PCDHA4: variants seen among roughly 807,000 people sequenced by gnomAD.
The protein encoded by PCDHA4 is protocadherin alpha 4, also known as protocadherin alpha-4.
Under a neutral mutation model 61.4 loss-of-function variants are expected in PCDHA4, and 49 were observed. The observed-to-expected ratio is 0.80, with a 90% CI of 0.63 to 1.01. The LOEUF (loss-of-function observed/expected upper bound fraction) is 1.01. Ranked by LOEUF, PCDHA4 falls within the 50% of genes least tolerant of loss-of-function variation. The pLI is 0.00. For missense variants in PCDHA4, 1,254 were observed against 1,235.8 expected, an observed-to-expected ratio of 1.01 and a Z score of -0.22; for synonymous variants, 590 against 550.3, an observed-to-expected ratio of 1.07 and a Z score of -1.01.
At chr5:140,857,761 C>T in intron 1 of PCDHA4, 1 of 1,597,214 alleles carries the variant, frequency 6.3e-7, no homozygotes. Flanking sequence ...CCGCTGGCAG[C>T]GCGGGCGGTG....
chr5:140,970,595 G>C (rs1554232604), intron 1 of PCDHA4, among the ~76,000 whole-genome samples: 1 of 152,098 alleles, frequency 6.6e-6, no homozygotes, highest in African/African-American at 2.4e-5. Context: ...TATGCTTTGT[G>C]ATACTTAAAA....
At chr5:140,828,051 CG>C in intron 1 of PCDHA4, 1 of 1,545,276 alleles carries the variant, frequency 6.5e-7, no homozygotes, top group East Asian at 2.3e-5. Flanking sequence ...TATCTTTATG[CG>C]GAAGATCTTC....
chr5:140,824,171 C>A, intron 1 of PCDHA4: 1 of 1,610,416 alleles, frequency 6.2e-7, no homozygotes, highest in Non-Finnish European at 8.5e-7. Flanking sequence ...TCCCAATTTT[C>A]AAATATTAAA....
intron 1 of PCDHA4, chr5:140,882,363 A>G: frequency 1.2e-6 from 2 of 1,614,208 alleles, no homozygotes; most frequent in South Asian, 1.1e-5. Context: ...GGCCAGCTCC[A>G]CTACTCCGTC....
At chr5:140,971,419 G>A (rs1554233321) in intron 1 of PCDHA4, among the ~76,000 whole-genome samples, 1 of 152,140 alleles carries the variant, frequency 6.6e-6, no homozygotes. Context: ...TGGAAATCCA[G>A]TGAAGAACCC....
intron 1 of PCDHA4, chr5:140,843,736 A>G: frequency 6.5e-7 from 1 of 1,547,470 alleles, no homozygotes; most frequent in African/African-American, 1.4e-5. Context: ...TTAAATTTAG[A>G]ACTCATAAAT....
intron 1 of PCDHA4, chr5:140,851,169 T>C: frequency 1.6e-6 from 2 of 1,280,288 alleles, no homozygotes; most frequent in Non-Finnish European, 2.0e-6. Flanking sequence ...TATGCTGCCA[T>C]AACACTTGAA....
chr5:140,829,465 C>T, intron 1 of PCDHA4: 1 of 1,613,822 alleles, frequency 6.2e-7, no homozygotes, highest in Non-Finnish European at 8.5e-7. Flanking sequence ...TCGCGCAGCC[C>T]GAGTACACAG....
intron 1 of PCDHA4, chr5:140,841,679 G>C: frequency 6.2e-7 from 1 of 1,613,984 alleles, no homozygotes. Context: ...TTTCCATGTG[G>C]ACGTGGAGGT....
intron 1 of PCDHA4, chr5:140,967,346 G>C (rs1332345482): frequency 6.2e-7 from 1 of 1,607,970 alleles, no homozygotes; most frequent in Non-Finnish European, 8.5e-7. Context: ...CGAGCACTTC[G>C]AGCTGGACCT....
At chr5:140,836,023 G>A in intron 1 of PCDHA4, 7 of 1,613,414 alleles carry the variant, frequency 4.3e-6, no homozygotes, top group Non-Finnish European at 5.9e-6. Flanking sequence ...CCTCTGGGCA[G>A]CAACGTGACG....
intron 1 of PCDHA4, chr5:140,816,386 T>C (rs1379079395): frequency 6.6e-6 from 1 of 152,250 alleles, no homozygotes; most frequent in African/African-American, 2.4e-5. Context: ...GCTGAAATTC[T>C]GATTCTGCTT....
chr5:140,919,867 G>A (rs2079334985), intron 1 of PCDHA4, among the ~76,000 whole-genome samples: 1 of 152,178 alleles, frequency 6.6e-6, no homozygotes, highest in Non-Finnish European at 1.5e-5. Context: ...TTGGAAATAA[G>A]TCTTTGAAGA....
At chr5:140,911,339 A>G (rs2075428336) in intron 1 of PCDHA4, among the ~76,000 whole-genome samples, 1 of 152,042 alleles carries the variant, frequency 6.6e-6, no homozygotes, top group Non-Finnish European at 1.5e-5. Flanking sequence ...TTTCCAATCA[A>G]TGCCCTCATT....
chr5:140,869,591 A>G (rs782105068), intron 1 of PCDHA4: 2 of 1,614,020 alleles, frequency 1.2e-6, no homozygotes, highest in Non-Finnish European at 1.7e-6. Flanking sequence ...GCTGACATTG[A>G]AGAGAATGCT....
chr5:140,902,419 T>C (rs2069442508), intron 1 of PCDHA4, among the ~76,000 whole-genome samples: 1 of 152,118 alleles, frequency 6.6e-6, no homozygotes, highest in Non-Finnish European at 1.5e-5. Flanking sequence ...ATAACAGTGG[T>C]GAAAGTGGGC....
chr5:140,929,201 T>C (rs146014873), intron 1 of PCDHA4: 3 of 1,614,168 alleles, frequency 1.9e-6, no homozygotes, highest in East Asian at 4.5e-5. Flanking sequence ...AACAGTTTGC[T>C]GTTGCGTGGG....
intron 1 of PCDHA4, chr5:140,882,629 G>A: frequency 6.2e-7 from 1 of 1,614,254 alleles, no homozygotes; most frequent in Admixed American, 1.7e-5. Context: ...CCATGTGGAG[G>A]TGAAGGTGAG....
intron 1 of PCDHA4, among the ~76,000 whole-genome samples, chr5:140,922,233 A>T (rs1226444776): frequency 6.6e-6 from 1 of 152,220 alleles, no homozygotes; most frequent in Non-Finnish European, 1.5e-5. Flanking sequence ...CTCAACCATG[A>T]TGTGTATGAA....
Sources: gnomAD v4.1 joint callset for allele counts (sites outside exome capture counted in the v4.1 genomes callset) on GRCh38, gnomAD v4.1.1 for gene constraint, MANE v1.5 for transcripts, NCBI Gene and HGNC (gene_info 2026-07-23, HGNC 2026-07-21) for gene names.